GALNT13: variants seen among roughly 807,000 people sequenced by gnomAD.
GALNT13 encodes the protein UDP-GalNAc:polypeptide N-acetylgalactosaminyltransferase 13.
GALNT13 carries 28 observed loss-of-function variants against 64.2 expected under a neutral mutation model. That is an observed-to-expected ratio of 0.44 (90% CI 0.32 to 0.60). The LOEUF (loss-of-function observed/expected upper bound fraction) is 0.60. Ranked by LOEUF, GALNT13 falls within the 20% of genes least tolerant of loss-of-function variation. The pLI is 0.05. For synonymous variants in GALNT13, 214 were observed against 224.6 expected, an observed-to-expected ratio of 0.95 and a Z score of 0.42; for missense variants, 577 against 669.8, an observed-to-expected ratio of 0.86 and a Z score of 1.53.
chr2:153,401,254 C>G, the GALNT13 span, among the ~76,000 whole-genome samples: 1 of 151,982 alleles, frequency 6.6e-6, no homozygotes, highest in African/African-American at 2.4e-5. Context: ...GATTCTTAAT[C>G]CTGAGTTCTA....
chr2:153,723,382 G>C, the GALNT13 span, among the ~76,000 whole-genome samples: 2 of 150,470 alleles, frequency 1.3e-5, no homozygotes, highest in Non-Finnish European at 2.9e-5. Context: ...CATTCCCTTT[G>C]AAAACGGGCA....
intron 3 of GALNT13, among the ~76,000 whole-genome samples, chr2:154,019,922 G>C (rs367613184): frequency 4.0e-5 from 6 of 150,424 alleles, no homozygotes; most frequent in South Asian, 4.2e-4. Context: ...TCATTGTTCA[G>C]TTCCCACCTA....
intron 9 of GALNT13, among the ~76,000 whole-genome samples, chr2:154,380,277 G>C (rs1238644993): frequency 2.0e-5 from 3 of 151,886 alleles, no homozygotes; most frequent in Non-Finnish European, 4.4e-5. Flanking sequence ...AGCATATGAT[G>C]CACCTGAAAT....
chr2:154,232,971 C>T (rs1293889072), intron 4 of GALNT13, among the ~76,000 whole-genome samples: 3 of 136,020 alleles, frequency 2.2e-5, no homozygotes, highest in Non-Finnish European at 3.0e-5. Flanking sequence ...GCCCAGGAGG[C>T]GGAGGTGGCA....
the GALNT13 span, among the ~76,000 whole-genome samples, chr2:153,767,596 A>G: frequency 6.6e-6 from 1 of 152,274 alleles, no homozygotes; most frequent in South Asian, 2.1e-4. Context: ...TTTACTCCAC[A>G]TCCATAACAA....
chr2:154,174,296 G>T (rs1325694135), intron 4 of GALNT13, among the ~76,000 whole-genome samples: 1 of 152,040 alleles, frequency 6.6e-6, no homozygotes, highest in Non-Finnish European at 1.5e-5. Flanking sequence ...AGTGAATAGG[G>T]CAGATGCAAT....
the GALNT13 span, among the ~76,000 whole-genome samples, chr2:153,360,789 G>T: frequency 6.6e-6 from 1 of 152,166 alleles, no homozygotes; most frequent in Admixed American, 6.5e-5. Context: ...GTCTTTCTAA[G>T]GAGTCTAGTT....
chr2:154,269,121 A>G (rs1468299292), intron 8 of GALNT13, among the ~76,000 whole-genome samples: 1 of 152,116 alleles, frequency 6.6e-6, no homozygotes, highest in African/African-American at 2.4e-5. Flanking sequence ...AAATAGTGGA[A>G]AAATGAAAAG....
chr2:154,372,052 T>C (rs1213287159), intron 9 of GALNT13, among the ~76,000 whole-genome samples: 1 of 152,098 alleles, frequency 6.6e-6, no homozygotes, highest in Non-Finnish European at 1.5e-5. Flanking sequence ...AGAGATGCTC[T>C]CATCAAGAAT....
chr2:154,111,593 C>T (rs1223148201), intron 3 of GALNT13, among the ~76,000 whole-genome samples: 1 of 152,076 alleles, frequency 6.6e-6, no homozygotes, highest in Non-Finnish European at 1.5e-5. Context: ...GCCAGCAAAA[C>T]GTAAGGTCAC....
the GALNT13 span, among the ~76,000 whole-genome samples, chr2:153,821,050 C>T: frequency 2.0e-5 from 3 of 152,102 alleles, no homozygotes; most frequent in East Asian, 5.8e-4. Flanking sequence ...CTTAACTATC[C>T]TAAATTATAT....
At chr2:154,338,450 G>C (rs973140318) in intron 9 of GALNT13, among the ~76,000 whole-genome samples, 14 of 151,856 alleles carry the variant, frequency 9.2e-5, no homozygotes, top group African/African-American at 3.1e-4. Flanking sequence ...CCTAAGATTT[G>C]TTTCAATTAG....
intron 3 of GALNT13, among the ~76,000 whole-genome samples, chr2:154,126,877 G>GA (rs1010015846): frequency 6.6e-6 from 1 of 151,870 alleles, no homozygotes; most frequent in Non-Finnish European, 1.5e-5. Flanking sequence ...CAGTACATGG[G>GA]AAAAAAGAGG....
chr2:153,591,901 T>C, the GALNT13 span, among the ~76,000 whole-genome samples: 5 of 152,062 alleles, frequency 3.3e-5, no homozygotes, highest in African/African-American at 1.2e-4. Context: ...ACCTGCAGAA[T>C]GAGATAAAAT....
intron 4 of GALNT13, among the ~76,000 whole-genome samples, chr2:154,146,752 A>G (rs1683626209): frequency 6.6e-6 from 1 of 152,044 alleles, no homozygotes; most frequent in African/African-American, 2.4e-5. Flanking sequence ...GCATAAACAA[A>G]TCTCACTAAA....
intron 2 of GALNT13, among the ~76,000 whole-genome samples, chr2:153,933,778 T>G (rs1200555221): frequency 6.6e-6 from 1 of 152,186 alleles, no homozygotes; most frequent in Non-Finnish European, 1.5e-5. Context: ...TAAAGACCTC[T>G]TGTAAAGTGG....
At chr2:153,950,635 G>A (rs1216137929) in intron 3 of GALNT13, among the ~76,000 whole-genome samples, 1 of 151,890 alleles carries the variant, frequency 6.6e-6, no homozygotes, top group African/African-American at 2.4e-5. Context: ...TAAAAATAAA[G>A]CCTGAAAATA....
chr2:153,183,286 A>T, the GALNT13 span, among the ~76,000 whole-genome samples: 1 of 152,138 alleles, frequency 6.6e-6, no homozygotes, highest in Non-Finnish European at 1.5e-5. Flanking sequence ...TCTTTTGAGA[A>T]GTGTCTGTTA....
At chr2:153,513,469 T>C in the GALNT13 span, among the ~76,000 whole-genome samples, 1 of 152,200 alleles carries the variant, frequency 6.6e-6, no homozygotes, top group East Asian at 1.9e-4. Flanking sequence ...TCTATGTCTA[T>C]CTCCTGAATA....
Sources: allele counts gnomAD v4.1 joint callset (sites outside exome capture counted in the v4.1 genomes callset), GRCh38; gene constraint gnomAD v4.1.1; transcripts MANE v1.5; gene names NCBI Gene and HGNC (gene_info 2026-07-23, HGNC 2026-07-21).